The following NACA variants were observed in gnomAD, a reference collection of about 807,000 sequenced individuals.
NACA encodes the protein nascent polypeptide-associated complex subunit alpha.
In NACA, 42 loss-of-function variants were observed where a neutral mutation model predicts 86.4. The ratio of observed to expected loss-of-function variants is 0.49; its 90% CI spans 0.38 to 0.63. NACA has a LOEUF of 0.63. Among genes scored for constraint, NACA ranks in the 20% least tolerant of loss-of-function variants. The pLI is 0.00. For synonymous variants in NACA, 898 were observed against 973.7 expected, an observed-to-expected ratio of 0.92 and a Z score of 1.45; for missense variants, 2,157 against 2,483.6, an observed-to-expected ratio of 0.87 and a Z score of 2.80.
In NACA at chr12:56,718,309, G is replaced by A. The variant is rs11833256; in HGVS notation, c.3221C>T (p.Pro1074Leu). Residue 1074 changes from proline to leucine, a missense_variant, in exon 3 of 9, where the codon CCA becomes CTA. Transcript: ENST00000454682. ...GGGAGTGGGGGCCCCCTTGAGGGAT[G>A]GGGTAGCTGGACCTCCTTTTGGGGA... ...LPSPKGGPAT[P>L]SLKGAPTPPA... 71 of 1,151,368 alleles carry A rather than the reference G, an allele frequency of 6.2e-5. No homozygotes were observed. In the African/African-American group the frequency reaches 1.0e-3, roughly 17 times the overall value. The allele number at this position is 1,151,368 out of a possible 1,614,324, so 71.3% of individuals were successfully genotyped here. A position where few individuals can be genotyped will look rare whatever the true frequency, so the allele number is the denominator to read the frequency against.
intron 1 of NACA, chr12:56,724,831 C>T: frequency 3.0e-6 from 1 of 330,444 alleles, no homozygotes; most frequent in South Asian, 4.0e-5. Flanking sequence ...CTCACACTGG[C>T]TGGGCTGGGG....
intron 3 of NACA, among the ~76,000 whole-genome samples, chr12:56,715,131 T>C (rs1375565511): frequency 6.6e-6 from 1 of 152,162 alleles, no homozygotes; most frequent in Admixed American, 6.5e-5. Flanking sequence ...TGGGTGGTTT[T>C]CCCCTCAACT....
intron 6 of NACA, 46 bp downstream of exon 6, chr12:56,713,491 T>C (rs755475166): frequency 6.9e-6 from 11 of 1,602,494 alleles, no homozygotes; most frequent in African/African-American, 2.7e-5. Flanking sequence ...AGTGCTGAGG[T>C]TGAGAAACCC....
At chr12:56,712,716 A>C in intron 8 of NACA, 70 bp downstream of exon 8, 1 of 1,607,966 alleles carries the variant, frequency 6.2e-7, no homozygotes. Context: ...GATATTTAGC[A>C]AGACAAAATA....
chr12:56,716,122 G>A lies in NACA; in HGVS notation c.5408C>T (p.Ala1803Val), dbSNP rs1413578120. The A allele has an allele frequency of 6.2e-7, 1 of 1,613,464 alleles. No homozygotes were observed. The change falls in exon 3 of 9, where the codon GCT becomes GTT. Residue 1803 changes from alanine (A) to valine (V), a missense_variant. Transcript: ENST00000454682. ...APSPPVSLPL[A>V]PSPVPTLPPK... The stretch of plus-strand genomic sequence containing the variant: ...AGGCAGAGTGGGAACTGGGGAGGGA[G>A]CAAGAGGCAGAGAGACTGGTGGGGA...
chr12:56,724,606 C>T, intron 1 of NACA, 83 bp from the exon 2 acceptor site: 5 of 1,434,612 alleles, frequency 3.5e-6, no homozygotes, highest in Non-Finnish European at 4.8e-6. Flanking sequence ...TTCTTAAAAA[C>T]TCCGAGGAGG....
Position 56,719,105 on chromosome 12 carries a change from G to T in NACA, c.2425C>A (p.Pro809Thr). The change falls in exon 3 of 9, where the codon CCA becomes ACA. Residue 809 changes from proline (P) to threonine (T), a missense_variant. By Grantham distance (38) the Pro-to-Thr change is conservative. Around this residue, in one of 8 missense-constraint regions of NACA, gnomAD observed 174 missense variants for 217.0 expected, o/e 0.80. Coordinates refer to ENST00000454682, the MANE Select transcript of NACA (RefSeq NM_001365896.1). ...GGGCCAGCAGAACCCTTCTTGGTTG[G>T]AGGTCTTTTAGTCTGAGGAGACACA... ...VSVSPQTKRPPTKKGSAGPDT... is the reference protein window; with the variant it reads ...VSVSPQTKRPTTKKGSAGPDT... The T allele has an allele frequency of 6.9e-7, 1 of 1,453,256 alleles. No individual in the cohort carries two copies. The highest frequency in any genetic ancestry group is 9.3e-7 in the Non-Finnish European group (1 of 1,075,440). 90.0% of individuals were successfully genotyped at this position (1,453,256 alleles called of 1,614,324 possible).
rs1307272950 is a variant in NACA at position 56,716,375 on chromosome 12, C to T, written c.5155G>A (p.Asp1719Asn). The change falls in exon 3 of 9, where the codon GAT becomes AAT. Residue 1719 changes from aspartate to asparagine, a missense_variant. Physicochemically the swap from Asp to Asn is conservative, Grantham distance 23. Coordinates refer to ENST00000454682, the MANE Select transcript of NACA (RefSeq NM_001365896.1). ...TTAGAACCATTCTTAGCTGAGGGATCTGGGCATATAGGAGGTGAAGTAGCA... is the reference window on the plus strand; with the variant it reads ...TTAGAACCATTCTTAGCTGAGGGATTTGGGCATATAGGAGGTGAAGTAGCA... ...SSATSPPICP[D>N]PSAKNGSKGP... 1 of 1,610,946 alleles carries T rather than the reference C, an allele frequency of 6.2e-7. No homozygotes were observed. The highest frequency in any genetic ancestry group is 1.7e-5 in the Admixed American group (1 of 59,920).
chr12:56,719,326 G>A lies in NACA; in HGVS notation c.2204C>T (p.Pro735Leu). The change falls in exon 3 of 9, where the codon CCC becomes CTC. Residue 735 changes from proline to leucine, a missense_variant. This residue lies in a region of NACA where 947 missense variants were observed against 917.9 expected (regional missense o/e 1.03). Coordinates refer to ENST00000454682, the MANE Select transcript of NACA (RefSeq NM_001365896.1). ...CCCAGCTGGGGGAAGAGAGGGTGAGGGCACAGACTTTGGGATTTCAGGGGC... is the reference window on the plus strand; with the variant it reads ...CCCAGCTGGGGGAAGAGAGGGTGAGAGCACAGACTTTGGGATTTCAGGGGC... ...VLAPEIPKSV[P>L]SPSLPPAGTP... is the part of the protein sequence containing the mutation. The A allele has an allele frequency of 6.2e-7, 1 of 1,606,176 alleles. No homozygotes were observed. Among genetic ancestry groups the A allele is most frequent in the South Asian group, 1.1e-5 (1 of 90,016 alleles).
In NACA at chr12:56,716,980, G is replaced by A; in HGVS notation, c.4550C>T (p.Pro1517Leu). Residue 1517 changes from proline (P) to leucine (L), a missense_variant, in exon 3 of 9, where the codon CCA becomes CTA. Transcript: ENST00000454682. ...GTCCCTTCTGGAGGATGGGGTAGCT[G>A]GGACCTCTTTGGGGGAAGAAGGAAT... Reference protein sequence around the residue: ...AVIPSSPKEVPATPSSRRDPI... With the variant: ...AVIPSSPKEVLATPSSRRDPI... 7.7e-7 allele frequency: 1 copy of A among 1,292,502 alleles called. No individual in the cohort carries two copies. The highest frequency in any genetic ancestry group is 3.6e-5 in the East Asian group (1 of 27,790). 80.1% of individuals were successfully genotyped at this position (1,292,502 alleles called of 1,614,324 possible). A position where few individuals can be genotyped will look rare whatever the true frequency, so the allele number is the denominator to read the frequency against.
chr12:56,721,252 A>G lies in NACA; in HGVS notation c.278T>C (p.Leu93Ser). 6.2e-7 allele frequency: 1 copy of G among 1,613,686 alleles called. No homozygotes were observed. The highest frequency in any genetic ancestry group is 8.5e-7 in the Non-Finnish European group (1 of 1,179,752). The change falls in exon 3 of 9, where the codon TTG (leucine) becomes TCG (serine). Residue 93 changes from leucine (L) to serine (S), a missense_variant. Physicochemically the swap from Leu to Ser is moderately radical, Grantham distance 145 (BLOSUM62 -2). This residue lies in a region of NACA where 947 missense variants were observed against 917.9 expected (regional missense o/e 1.03). Coordinates refer to ENST00000454682, the MANE Select transcript of NACA (RefSeq NM_001365896.1). ...GGTTGGGGCTTCAGGGGCAGTTCCC[A>G]AAGGTAGGGCTGTTCCAGAGGATGA... ...PQSSSGTALP[L>S]GTAPEAPTFL...
intron 2 of NACA, among the ~76,000 whole-genome samples, chr12:56,721,718 T>C (rs1953581306): frequency 6.6e-6 from 1 of 152,156 alleles, no homozygotes; most frequent in Non-Finnish European, 1.5e-5. Flanking sequence ...AACCAACTAT[T>C]TTAGGGTGAG....
At position 56,713,692 on chromosome 12, in the gene NACA, G is replaced by A. The variant is rs377067997; in HGVS notation, c.5824-9C>T. 7 of 1,612,962 alleles carry A rather than the reference G, an allele frequency of 4.3e-6. No homozygotes were observed. The highest frequency in any genetic ancestry group is 5.9e-6 in the Non-Finnish European group (7 of 1,179,540). On this transcript the variant is annotated splice_polypyrimidine_tract_variant and intron_variant, in intron 5 of 8. Transcript: ENST00000454682. ...CCCAGTTTGGACATAGCCTAAAGAAGAGAAAATAGTATCAGGTTTTCAACC... is the reference window on the plus strand; with the variant it reads ...CCCAGTTTGGACATAGCCTAAAGAAAAGAAAATAGTATCAGGTTTTCAACC...
chr12:56,722,963 T>A (rs1953613896), intron 2 of NACA, among the ~76,000 whole-genome samples: 1 of 152,238 alleles, frequency 6.6e-6, no homozygotes, highest in African/African-American at 2.4e-5. Context: ...GAAGTTCTTA[T>A]GGCATCCTAC....
intron 2 of NACA, among the ~76,000 whole-genome samples, chr12:56,722,235 T>C (rs1157416303): frequency 1.3e-5 from 2 of 152,230 alleles, no homozygotes; most frequent in East Asian, 1.9e-4. Flanking sequence ...TAATAGTCTC[T>C]ATAAACCTTC....
At position 56,715,928 on chromosome 12, in the gene NACA, CAG is replaced by C. The variant is rs1225868071; in HGVS notation, c.5600_5601del (p.Ser1867CysfsTer26). 6.6e-7 allele frequency: 1 copy of C among 1,523,204 alleles called. No homozygotes were observed. Among genetic ancestry groups the C allele is most frequent in the East Asian group, 2.3e-5 (1 of 44,078 alleles). The allele number at this position is 1,523,204 out of a possible 1,614,324, so 94.4% of individuals were successfully genotyped here. A position where few individuals can be genotyped will look rare whatever the true frequency, so the allele number is the denominator to read the frequency against. ...SVLVNMPTPK[S>X]AGIPVPTPSA... ...GAGGGGGTTGGGACAGGGATTCCAG[CAG>C]ATTTAGGGGTGGGCATGTTGACGAG... On this transcript the variant is annotated frameshift_variant, in exon 3 of 9. Transcript: ENST00000454682. LOFTEE classifies it high-confidence loss of function.
chr12:56,717,485 G>C lies in NACA; in HGVS notation c.4045C>G (p.Leu1349Val), dbSNP rs1466587290. The stretch of plus-strand genomic sequence containing the variant: ...TTAGAGGAGGGAGTTGTAGCTGGGA[G>C]AGTAGGGGTCCCTTTAGGGGAGGGA... ...TPPSPKGTPT[L>V]PATTPSSKGG... is the part of the protein sequence containing the mutation. The change falls in exon 3 of 9, where the codon CTC becomes GTC. Residue 1349 changes from leucine (L) to valine (V), a missense_variant. Physicochemically the swap from Leu to Val is conservative, Grantham distance 32 (BLOSUM62 1). This residue lies in a region of NACA where 797 missense variants were observed against 777.6 expected (regional missense o/e 1.02). Transcript: ENST00000454682. The C allele has an allele frequency of 4.4e-6, 6 of 1,354,914 alleles. No homozygotes were observed. The highest frequency in any genetic ancestry group is 5.8e-6 in the Non-Finnish European group (6 of 1,028,188). The allele number at this position is 1,354,914 out of a possible 1,614,324, so 83.9% of individuals were successfully genotyped here.
rs1411152350 is a variant in NACA, at chr12:56,719,447, G to A, written c.2083C>T (p.Leu695Phe). ...PKNHPVKEGT[L>F]TTLPLVPTAS... ...GTAGGAACCAAGGGTAAAGTAGTAAGAGTACCTTCCTTAACTGGGTGGTTT... is the reference window on the plus strand; with the variant it reads ...GTAGGAACCAAGGGTAAAGTAGTAAAAGTACCTTCCTTAACTGGGTGGTTT... The change falls in exon 3 of 9, where the codon CTT (leucine) becomes TTT (phenylalanine). Residue 695 changes from leucine (L) to phenylalanine (F), a missense_variant. By Grantham distance (22) the Leu-to-Phe change is conservative (BLOSUM62 0). This residue lies in a region of NACA where 947 missense variants were observed against 917.9 expected (regional missense o/e 1.03). Transcript: ENST00000454682. 21 of 1,613,240 alleles carry A rather than the reference G, an allele frequency of 1.3e-5. No homozygotes were observed. The Admixed American group carries it at 2.0e-4, about 15-fold the overall frequency.
chr12:56,713,999 T>A, intron 5 of NACA: 1 of 388,498 alleles, frequency 2.6e-6, no homozygotes, highest in South Asian at 3.0e-5. Context: ...GTTACCACCA[T>A]GCCCTGCTAT....
Sources: gnomAD v4.1 joint callset for allele counts (sites outside exome capture counted in the v4.1 genomes callset) on GRCh38, gnomAD v4.1.1 for gene constraint, gnomAD v4.1.1 regional missense constraint, MANE v1.5 for transcripts, NCBI Gene and HGNC (gene_info 2026-07-23, HGNC 2026-07-21) for gene names.